The following ITPR2 variants were observed in gnomAD, a reference collection of about 807,000 sequenced individuals.
ITPR2 encodes inositol 1,4,5-trisphosphate-gated calcium channel ITPR2.
Under a neutral mutation model 317.1 loss-of-function variants are expected in ITPR2, and 207 were observed. The observed-to-expected ratio is 0.65, with a 90% CI of 0.58 to 0.73. The LOEUF is 0.73. Among genes scored for constraint, ITPR2 ranks in the 30% least tolerant of loss-of-function variants. The pLI, the probability that ITPR2 is intolerant of heterozygous loss-of-function variation, is 0.00. For synonymous variants in ITPR2, 1,156 were observed against 1,149.1 expected (o/e 1.01, Z -0.12); for missense variants, 2,613 against 3,284.0 (o/e 0.80, Z 4.99).
intron 34 of ITPR2, among the ~76,000 whole-genome samples, chr12:26,577,972 G>C (rs553290960): frequency 3.5e-4 from 54 of 152,200 alleles, no homozygotes; most frequent in Admixed American, 1.2e-3. Context: ...CATTGCACAT[G>C]GTAAGTACCC....
At chr12:26,611,962 G>A (rs1328992373) in intron 26 of ITPR2, among the ~76,000 whole-genome samples, 5 of 152,148 alleles carry the variant, frequency 3.3e-5, no homozygotes, top group Non-Finnish European at 7.4e-5. Context: ...TTAATGCTGG[G>A]GACGATAGGT....
intron 26 of ITPR2, among the ~76,000 whole-genome samples, chr12:26,611,599 A>G (rs769211525): frequency 6.6e-6 from 1 of 152,164 alleles, no homozygotes; most frequent in African/African-American, 2.4e-5. Context: ...GCAACCATAT[A>G]TAGGTGAGTA....
intron 2 of ITPR2, among the ~76,000 whole-genome samples, chr12:26,775,061 C>A (rs1949935217): frequency 6.6e-6 from 1 of 152,084 alleles, no homozygotes; most frequent in Non-Finnish European, 1.5e-5. Flanking sequence ...CCCCATTTTC[C>A]CCCAAGTCCT....
At chr12:26,828,229 A>G (rs897395624) in intron 1 of ITPR2, among the ~76,000 whole-genome samples, 2 of 151,388 alleles carry the variant, frequency 1.3e-5, no homozygotes, top group Non-Finnish European at 1.5e-5. Context: ...TCTTTGAAGC[A>G]GAAAGTGTAC....
intron 22 of ITPR2, among the ~76,000 whole-genome samples, chr12:26,629,585 C>CAA (rs5797182): frequency 3.6e-4 from 52 of 144,400 alleles, no homozygotes; most frequent in African/African-American, 9.1e-4. Context: ...GACCCTGTCT[C>CAA]AAAAAAAAAA....
chr12:26,554,077 A>C (rs1246760810), intron 36 of ITPR2, among the ~76,000 whole-genome samples: 1 of 152,216 alleles, frequency 6.6e-6, no homozygotes, highest in African/African-American at 2.4e-5. Flanking sequence ...AGGTTACCTA[A>C]TGATGCCACA....
intron 2 of ITPR2, among the ~76,000 whole-genome samples, chr12:26,748,963 G>A (rs1035154719): frequency 3.9e-5 from 6 of 152,204 alleles, no homozygotes; most frequent in African/African-American, 1.4e-4. Context: ...TAAAGAGCGT[G>A]AAGGAAATGG....
chr12:26,609,191 T>C (rs138092635), intron 26 of ITPR2, among the ~76,000 whole-genome samples: 112 of 152,378 alleles, frequency 7.4e-4, no homozygotes, highest in African/African-American at 2.6e-3. Flanking sequence ...TTGCCTGATC[T>C]AAAACAAATG....
At chr12:26,519,705 C>T (rs1943615801) in intron 37 of ITPR2, among the ~76,000 whole-genome samples, 1 of 152,064 alleles carries the variant, frequency 6.6e-6, no homozygotes, top group Non-Finnish European at 1.5e-5. Context: ...TATTTAGAAA[C>T]CATCAATATT....
chr12:26,480,818 C>A (rs1475402513), intron 43 of ITPR2, among the ~76,000 whole-genome samples: 2 of 151,858 alleles, frequency 1.3e-5, no homozygotes, highest in African/African-American at 4.8e-5. Flanking sequence ...CCAGCTTGGG[C>A]GGCAGAGCTA....
intron 51 of ITPR2, 24 bp from the exon 52 acceptor site, chr12:26,411,436 T>G: frequency 6.7e-7 from 1 of 1,488,514 alleles, no homozygotes; most frequent in Non-Finnish European, 9.4e-7. Flanking sequence ...AAGTAGTATA[T>G]AATATAGAGT....
chr12:26,827,076 A>G (rs940106542), intron 1 of ITPR2, among the ~76,000 whole-genome samples: 5 of 152,250 alleles, frequency 3.3e-5, no homozygotes, highest in Non-Finnish European at 7.3e-5. Flanking sequence ...CACCTTTAAA[A>G]GAGACACAAA....
chr12:26,435,112 C>T, intron 48 of ITPR2, among the ~76,000 whole-genome samples: 1 of 152,112 alleles, frequency 6.6e-6, no homozygotes, highest in Admixed American at 6.6e-5. Flanking sequence ...ACTCAGATTA[C>T]AGCTAAAGTT....
chr12:26,535,787 G>GA (rs1944073621), intron 37 of ITPR2, among the ~76,000 whole-genome samples: 1 of 152,088 alleles, frequency 6.6e-6, no homozygotes, highest in Non-Finnish European at 1.5e-5. Context: ...TTTTTCATAA[G>GA]AAAATCTTTT....
At chr12:26,690,807 AG>A (rs1353289110) in intron 10 of ITPR2, among the ~76,000 whole-genome samples, 1 of 152,206 alleles carries the variant, frequency 6.6e-6, no homozygotes, top group Non-Finnish European at 1.5e-5. Flanking sequence ...CTCACCAGTT[AG>A]GGTTAATTAA....
rs1411971877 is a variant in ITPR2, at chr12:26,621,185, T to C, written c.3400A>G (p.Ser1134Gly). Reference protein sequence around the residue: ...EKSELWVEKSSNYENGEIGES... With the variant: ...EKSELWVEKSGNYENGEIGES... Reference sequence around the variant, plus strand: ...CCTATTTCTCCATTCTCATAGTTGCTGCTCTTCTCCACCCATAGCTCAGAC... The same window carrying C: ...CCTATTTCTCCATTCTCATAGTTGCCGCTCTTCTCCACCCATAGCTCAGAC... The change falls in exon 26 of 57, where the codon AGC (serine) becomes GGC (glycine). Residue 1134 changes from serine (S) to glycine (G), a missense_variant. Ser to Gly is a moderately conservative substitution (Grantham distance 56). Transcript: ENST00000381340. The C allele has an allele frequency of 2.5e-6, 4 of 1,614,008 alleles. No individual in the cohort carries two copies. Among genetic ancestry groups the C allele is most frequent in the Non-Finnish European group, 2.5e-6 (3 of 1,179,916 alleles).
intron 13 of ITPR2, among the ~76,000 whole-genome samples, chr12:26,675,566 G>A (rs914949533): frequency 2.0e-5 from 3 of 152,076 alleles, no homozygotes; most frequent in Admixed American, 1.3e-4. Context: ...GAAGGGGGGA[G>A]GGATAGCATT....
intron 36 of ITPR2, among the ~76,000 whole-genome samples, chr12:26,551,748 G>A (rs538536048): frequency 3.3e-5 from 5 of 152,328 alleles, no homozygotes; most frequent in Admixed American, 3.3e-4. Flanking sequence ...TCCCTGCAAA[G>A]GGAATGGTAT....
intron 36 of ITPR2, among the ~76,000 whole-genome samples, chr12:26,555,263 C>T (rs1206586659): frequency 1.3e-5 from 2 of 152,122 alleles, no homozygotes; most frequent in Non-Finnish European, 2.9e-5. Flanking sequence ...ATCTCTGCCT[C>T]GATATATCAC....
Sources: allele counts gnomAD v4.1 joint callset (sites outside exome capture counted in the v4.1 genomes callset), GRCh38; gene constraint gnomAD v4.1.1; transcripts MANE v1.5; gene names NCBI Gene and HGNC (gene_info 2026-07-23, HGNC 2026-07-21).